NCAM2: variants seen among roughly 807,000 people sequenced by gnomAD.
The protein encoded by NCAM2 is neural cell adhesion molecule 2, also known as N-CAM-2.
NCAM2 carries 30 observed loss-of-function variants against 98.1 expected under a neutral mutation model. That is an observed-to-expected ratio of 0.31 (90% CI 0.23 to 0.41). The LOEUF is 0.41. Among genes scored for constraint, NCAM2 ranks in the 10% least tolerant of loss-of-function variants. The pLI, the probability that NCAM2 is intolerant of heterozygous loss-of-function variation, is 1.00. For synonymous variants in NCAM2, 368 were observed against 342.4 expected (o/e 1.07, Z -0.83); for missense variants, 867 against 1,005.8 (o/e 0.86, Z 1.87).
chr21:21,036,444 A>C (rs1464474965), intron 1 of NCAM2, among the ~76,000 whole-genome samples: 1 of 152,312 alleles, frequency 6.6e-6, no homozygotes, highest in Non-Finnish European at 1.5e-5. Context: ...GGGAAGTTTA[A>C]GTTTTTCCCT....
chr21:21,025,465 C>T (rs1358793741), intron 1 of NCAM2, among the ~76,000 whole-genome samples: 1 of 152,054 alleles, frequency 6.6e-6, no homozygotes, highest in African/African-American at 2.4e-5. Flanking sequence ...GTGAGTGTCC[C>T]ACTGTTTAAT....
At chr21:21,450,821 CACACACACACACAT>C (rs1172761990) in intron 12 of NCAM2, among the ~76,000 whole-genome samples, 7 of 151,222 alleles carry the variant, frequency 4.6e-5, no homozygotes, top group African/African-American at 1.5e-4. Context: ...CACACACACA[CACACACACACACAT>C]ATCTCCTGTC....
chr21:21,206,510 G>A (rs921132311), intron 1 of NCAM2, among the ~76,000 whole-genome samples: 2 of 152,072 alleles, frequency 1.3e-5, no homozygotes, highest in South Asian at 2.1e-4. Flanking sequence ...ATATCATATA[G>A]TCTTACTGGG....
At chr21:21,344,239 G>GA (rs760664255) in intron 8 of NCAM2, among the ~76,000 whole-genome samples, 5 of 152,252 alleles carry the variant, frequency 3.3e-5, no homozygotes, top group Middle Eastern at 6.8e-3. Context: ...AATCCACAGT[G>GA]ATACCCAGGT....
intron 1 of NCAM2, among the ~76,000 whole-genome samples, chr21:21,143,614 A>G (rs1473598472): frequency 6.6e-6 from 1 of 152,148 alleles, no homozygotes; most frequent in African/African-American, 2.4e-5. Context: ...TGATGAATTC[A>G]CCCAATTTTA....
At chr21:21,147,920 G>T (rs1359789534) in intron 1 of NCAM2, among the ~76,000 whole-genome samples, 1 of 151,298 alleles carries the variant, frequency 6.6e-6, no homozygotes, top group Non-Finnish European at 1.5e-5. Flanking sequence ...ATAACATATA[G>T]GATATATATA....
chr21:21,361,988 G>A (rs1323300235), intron 8 of NCAM2, among the ~76,000 whole-genome samples: 1 of 152,116 alleles, frequency 6.6e-6, no homozygotes, highest in Non-Finnish European at 1.5e-5. Flanking sequence ...ACAGATTATA[G>A]AAATTCATAT....
At chr21:21,391,356 T>C (rs11702836) in intron 9 of NCAM2, among the ~76,000 whole-genome samples, 21,136 of 152,086 alleles carry the variant, frequency 0.14, 2,035 homozygotes, top group East Asian at 0.3. Flanking sequence ...GCATCATAAA[T>C]TAACATACAA....
At chr21:21,187,371 A>G (rs2146945750) in intron 1 of NCAM2, among the ~76,000 whole-genome samples, 1 of 152,286 alleles carries the variant, frequency 6.6e-6, no homozygotes. Flanking sequence ...GTCATGCTGC[A>G]CCACATACTT....
intron 12 of NCAM2, among the ~76,000 whole-genome samples, chr21:21,465,617 G>A (rs1307045015): frequency 1.3e-5 from 2 of 151,528 alleles, no homozygotes; most frequent in Non-Finnish European, 2.9e-5. Context: ...TATCATTTCT[G>A]GTCATGGTTT....
intron 9 of NCAM2, among the ~76,000 whole-genome samples, chr21:21,406,210 AG>A (rs1365899386): frequency 6.6e-6 from 1 of 152,184 alleles, no homozygotes; most frequent in African/African-American, 2.4e-5. Context: ...GCCAAATACA[AG>A]GACAAGTTGG....
chr21:21,309,705 A>G (rs1010483569), intron 5 of NCAM2, among the ~76,000 whole-genome samples: 5 of 152,126 alleles, frequency 3.3e-5, no homozygotes, highest in Admixed American at 2.6e-4. Flanking sequence ...TATAGCCAAT[A>G]TCCACTTCTC....
At chr21:21,188,711 G>A (rs895156912) in intron 1 of NCAM2, among the ~76,000 whole-genome samples, 2 of 152,192 alleles carry the variant, frequency 1.3e-5, no homozygotes, top group African/African-American at 4.8e-5. Context: ...CGTAATGCCA[G>A]TGAATTGCAG....
chr21:21,234,394 G>A (rs1049946104), intron 1 of NCAM2, among the ~76,000 whole-genome samples: 5 of 151,842 alleles, frequency 3.3e-5, no homozygotes, highest in Non-Finnish European at 5.9e-5. Context: ...TTAAAGACAG[G>A]ATCAGTAAGA....
chr21:21,243,824 T>C (rs2071162987), intron 1 of NCAM2, among the ~76,000 whole-genome samples: 1 of 152,170 alleles, frequency 6.6e-6, no homozygotes, highest in South Asian at 2.1e-4. Flanking sequence ...ATCGGTCCTA[T>C]TCAAGGAAGG....
chr21:21,482,445 T>C (rs1379565803), intron 15 of NCAM2, among the ~76,000 whole-genome samples: 10 of 152,222 alleles, frequency 6.6e-5, no homozygotes, highest in Non-Finnish European at 1.3e-4. Flanking sequence ...AGAGAAGATA[T>C]AGAGTTTAAA....
chr21:21,473,250 C>T (rs1984686642), intron 14 of NCAM2, among the ~76,000 whole-genome samples: 1 of 150,618 alleles, frequency 6.6e-6, no homozygotes, highest in Admixed American at 6.7e-5. Context: ...CTTGATGCTT[C>T]TCGTTTGCCC....
chr21:21,236,165 A>T (rs139924169), intron 1 of NCAM2, among the ~76,000 whole-genome samples: 5 of 67,116 alleles, frequency 7.4e-5, no homozygotes, highest in Admixed American at 5.6e-4. Flanking sequence ...ATCCAAGCAA[A>T]TAAATAAATA....
intron 10 of NCAM2, among the ~76,000 whole-genome samples, chr21:21,411,114 A>ATATATATATACATATATATGTG (rs2076869640): frequency 8.5e-4 from 3 of 3,534 alleles, no homozygotes; most frequent in East Asian, 7.2e-3. Flanking sequence ...ATATATATGT[A>ATATATATATACATATATATGTG]TATATATATA....
Sources: allele counts gnomAD v4.1 joint callset (sites outside exome capture counted in the v4.1 genomes callset), GRCh38; gene constraint gnomAD v4.1.1; transcripts MANE v1.5; gene names NCBI Gene and HGNC (gene_info 2026-07-23, HGNC 2026-07-21).